CSGALNACT2: variants seen among roughly 807,000 people sequenced by gnomAD.
The protein encoded by CSGALNACT2 is beta 4 GalNAcT-2.
In CSGALNACT2, 35 loss-of-function variants were observed where a neutral mutation model predicts 55.3. The ratio of observed to expected loss-of-function variants is 0.63; its 90% CI spans 0.48 to 0.84. The LOEUF (loss-of-function observed/expected upper bound fraction) is 0.84, where lower values mean the gene tolerates loss of function less well. Ranked by LOEUF, CSGALNACT2 falls within the 40% of genes least tolerant of loss-of-function variation. The probability of loss-of-function intolerance (pLI) is 0.00; values close to 1 mark genes in which losing one functional copy is unlikely to be tolerated. For missense variants in CSGALNACT2, 544 were observed against 657.5 expected (o/e 0.83, Z 1.89); for synonymous variants, 196 against 224.9 (o/e 0.87, Z 1.15).
chr10:43,180,524 G>T lies in CSGALNACT2; in HGVS notation c.1337-2726G>T, dbSNP rs1419903390. ...TGTGTTATCTGCTCTTTCCATTAGA[G>T]CCCTTAGAGTATTATACATAGTTGT... is the stretch of plus-strand genomic sequence containing the variant. On this transcript the variant is annotated intron_variant, in intron 7 of 7. Coordinates refer to ENST00000374466, the MANE Select transcript of CSGALNACT2 (RefSeq NM_018590.5). 2.0e-5 allele frequency among the ~76,000 whole-genome samples: 3 copies of T among 152,066 alleles called. No individual in the cohort carries two copies. In the East Asian group the frequency reaches 5.8e-4, roughly 29 times the overall value.
chr10:43,177,026 T>C (rs746831280), intron 7 of CSGALNACT2, among the ~76,000 whole-genome samples: 6 of 152,214 alleles, frequency 3.9e-5, no homozygotes, highest in Non-Finnish European at 8.8e-5. Flanking sequence ...TAGGTCCATA[T>C]CACATTCGTT....
intron 1 of CSGALNACT2, among the ~76,000 whole-genome samples, chr10:43,140,391 GTTA>G (rs1467050178): frequency 6.6e-6 from 1 of 151,986 alleles, no homozygotes; most frequent in Non-Finnish European, 1.5e-5. Context: ...AATAGAATTT[GTTA>G]TTTTAACTAA....
intron 1 of CSGALNACT2, among the ~76,000 whole-genome samples, chr10:43,150,653 A>C (rs781617499): frequency 2.0e-5 from 3 of 152,178 alleles, no homozygotes; most frequent in Non-Finnish European, 4.4e-5. Context: ...TTTTCTCTTT[A>C]CATTGGATTT....
At chr10:43,175,085 G>A (rs1839452788) in intron 6 of CSGALNACT2, among the ~76,000 whole-genome samples, 1 of 152,198 alleles carries the variant, frequency 6.6e-6, no homozygotes, top group Non-Finnish European at 1.5e-5. Context: ...CTTCATAGCT[G>A]CATCGTGCAC....
At chr10:43,145,298 T>A (rs907794717) in intron 1 of CSGALNACT2, among the ~76,000 whole-genome samples, 1 of 152,124 alleles carries the variant, frequency 6.6e-6, no homozygotes, top group African/African-American at 2.4e-5. Context: ...AAGAAAATAT[T>A]TGATTAATTA....
intron 1 of CSGALNACT2, among the ~76,000 whole-genome samples, chr10:43,147,727 T>C (rs1031954506): frequency 2.0e-5 from 3 of 151,972 alleles, no homozygotes; most frequent in African/African-American, 7.3e-5. Flanking sequence ...ATATAGGCCA[T>C]TTATATATCT....
chr10:43,142,656 C>A, intron 1 of CSGALNACT2, among the ~76,000 whole-genome samples: 1 of 152,314 alleles, frequency 6.6e-6, no homozygotes, highest in African/African-American at 2.4e-5. Flanking sequence ...AAGGCAGAAT[C>A]AACTGGTTGT....
At chr10:43,164,144 T>A in intron 5 of CSGALNACT2, 100 bp downstream of exon 5, 1 of 940,750 alleles carries the variant, frequency 1.1e-6, no homozygotes, top group Non-Finnish European at 1.5e-6. Context: ...AAGTTTTAGT[T>A]AAACCCCAGT....
intron 6 of CSGALNACT2, among the ~76,000 whole-genome samples, 186 bp from the exon 7 acceptor site, chr10:43,175,765 C>T (rs765692140): frequency 7.2e-5 from 11 of 152,178 alleles, no homozygotes; most frequent in South Asian, 2.1e-4. Flanking sequence ...GCACCTTGTA[C>T]AGGCTTTGAG....
chr10:43,165,745 C>A lies in CSGALNACT2; in HGVS notation c.1160-1259C>A, dbSNP rs1340526816. On this transcript the variant is annotated intron_variant, in intron 5 of 7. Transcript: ENST00000374466. ...GTGGTTCATGCCTGTAATCCCAGCA[C>A]TTTGGGAGGCCGAGGCAGGCGGATC... Among the ~76,000 whole-genome samples the A allele has an allele frequency of 3.9e-5, 6 of 152,172 alleles. No individual in the cohort carries two copies. The East Asian group carries it at 9.6e-4, about 24-fold the overall frequency.
intron 6 of CSGALNACT2, among the ~76,000 whole-genome samples, chr10:43,169,926 A>T (rs190806429): frequency 2.2e-4 from 33 of 152,346 alleles, no homozygotes; most frequent in Admixed American, 1.1e-3. Context: ...ATTCATATTC[A>T]ACCTACTATT....
In CSGALNACT2 at chr10:43,160,448, T is replaced by A. The variant is rs369500844; in HGVS notation, c.879-46T>A. On this transcript the variant is annotated intron_variant, in intron 3 of 7. Transcript: ENST00000374466. ...ATGTGGTTGCTTTCTTAATGAATAGTGCCTCATGTTTTCTTGAATAAACTT... is the reference window on the plus strand; with the variant it reads ...ATGTGGTTGCTTTCTTAATGAATAGAGCCTCATGTTTTCTTGAATAAACTT... The A allele has an allele frequency of 3.2e-6, 3 of 941,114 alleles. No individual in the cohort carries two copies. The African/African-American group carries it at 5.0e-5, about 16-fold the overall frequency. The allele number at this position is 941,114 out of a possible 1,614,324, so 58.3% of individuals were successfully genotyped here. A position where few individuals can be genotyped will look rare whatever the true frequency, so the allele number is the denominator to read the frequency against.
At chr10:43,181,404 C>A (rs76471484) in intron 7 of CSGALNACT2, among the ~76,000 whole-genome samples, 6,666 of 152,302 alleles carry the variant, frequency 0.044, 182 homozygotes, top group South Asian at 0.089. Context: ...GGAGTGATGA[C>A]TTCTAGCTCC....
intron 7 of CSGALNACT2, among the ~76,000 whole-genome samples, chr10:43,178,096 A>G (rs1204167106): frequency 6.6e-6 from 1 of 152,098 alleles, no homozygotes; most frequent in African/African-American, 2.4e-5. Flanking sequence ...GCCCATTTTA[A>G]TTGGGTTATG....
At chr10:43,182,114 G>T (rs1237022571) in intron 7 of CSGALNACT2, among the ~76,000 whole-genome samples, 1 of 151,282 alleles carries the variant, frequency 6.6e-6, no homozygotes, top group Non-Finnish European at 1.5e-5. Flanking sequence ...CTCCATTCGG[G>T]GTCCCTGACT....
At chr10:43,174,596 A>G (rs988079421) in intron 6 of CSGALNACT2, among the ~76,000 whole-genome samples, 6 of 152,126 alleles carry the variant, frequency 3.9e-5, no homozygotes, top group Admixed American at 6.5e-5. Context: ...CTGCCCATTC[A>G]ATCACTTGCT....
Position 43,164,010 on chromosome 10 carries a change from A to G in CSGALNACT2, c.1125A>G (p.Glu375=), listed in dbSNP as rs1212750393. 1.2e-6 allele frequency: 2 copies of G among 1,613,886 alleles called. No homozygotes were observed. The highest frequency in any genetic ancestry group is 1.1e-5 in the South Asian group (1 of 91,046). The part of the protein sequence containing the change: ...FCDVDIYFSA[E]FLNSCRLNAE... ...ATGTTGATATCTATTTCTCAGCCGA[A>G]TTCCTTAACAGCTGCCGGTTAAATG... Residue 375 remains glutamate (E), a synonymous_variant, in exon 5 of 8, where the codon GAA becomes GAG. Transcript: ENST00000374466.
chr10:43,162,363 T>G (rs2257767), intron 4 of CSGALNACT2: 967,044 of 1,178,548 alleles, frequency 0.82, 399,481 homozygotes, highest in African/African-American at 0.97. Flanking sequence ...ATGGCCAGGT[T>G]GGGTGGGGGT....
At chr10:43,180,948 T>C (rs901850063) in intron 7 of CSGALNACT2, among the ~76,000 whole-genome samples, 1 of 152,218 alleles carries the variant, frequency 6.6e-6, no homozygotes, top group Non-Finnish European at 1.5e-5. Flanking sequence ...AGGCTCTGGT[T>C]AAATAACTTC....
Sources: gnomAD v4.1 joint callset for allele counts (sites outside exome capture counted in the v4.1 genomes callset) on GRCh38, gnomAD v4.1.1 for gene constraint, MANE v1.5 for transcripts, NCBI Gene and HGNC (gene_info 2026-07-23, HGNC 2026-07-21) for gene names.